PCBP2: variants seen among roughly 807,000 people sequenced by gnomAD.
The protein encoded by PCBP2 is poly(rC)-binding protein 2.
PCBP2 carries 4 observed loss-of-function variants against 50.1 expected under a neutral mutation model. That is an observed-to-expected ratio of 0.08 (90% CI 0.04 to 0.18). The LOEUF is 0.18. Ranked by LOEUF, PCBP2 falls within the 10% of genes least tolerant of loss-of-function variation. The probability of loss-of-function intolerance (pLI) is 1.00; values close to 1 mark genes in which losing one functional copy is unlikely to be tolerated. For missense variants in PCBP2, 161 were observed against 474.3 expected (o/e 0.34, Z 6.14); for synonymous variants, 179 against 168.0 (o/e 1.07, Z -0.51).
chr12:53,457,073 G>T (rs1419133817), intron 5 of PCBP2, among the ~76,000 whole-genome samples: 5 of 151,394 alleles, frequency 3.3e-5, no homozygotes. Context: ...TTTCTTTTGA[G>T]GCAGGGTTGT....
intron 1 of PCBP2, chr12:53,453,410 A>G (rs903014349): frequency 2.0e-5 from 3 of 152,144 alleles, no homozygotes; most frequent in African/African-American, 7.2e-5. Flanking sequence ...GAATTCTGGG[A>G]TTTTGCCAGC....
At chr12:53,456,056 G>C (rs894801674) in intron 5 of PCBP2, 55 bp downstream of exon 5, 16 of 1,091,698 alleles carry the variant, frequency 1.5e-5, no homozygotes, top group Non-Finnish European at 2.1e-5. Context: ...CAGAGAGCTT[G>C]TTGATTTTCT....
At chr12:53,464,282 C>T (rs928430042) in intron 8 of PCBP2, among the ~76,000 whole-genome samples, 1 of 151,934 alleles carries the variant, frequency 6.6e-6, no homozygotes, top group Non-Finnish European at 1.5e-5. Flanking sequence ...ATCACACCTC[C>T]CCCTTCATAC....
At chr12:53,474,661 T>G (rs1300709620) in intron 14 of PCBP2, among the ~76,000 whole-genome samples, 1 of 152,192 alleles carries the variant, frequency 6.6e-6, no homozygotes, top group Non-Finnish European at 1.5e-5. Flanking sequence ...AGTTTTTAAG[T>G]AGCTCTGTGG....
chr12:53,478,432 C>T (rs1565877013), intron 14 of PCBP2, among the ~76,000 whole-genome samples: 2 of 151,928 alleles, frequency 1.3e-5, no homozygotes, highest in African/African-American at 4.8e-5. Context: ...CGCTAGAACA[C>T]GGGAGGCAGG....
At chr12:53,452,720 G>A (rs1292327478) in intron 1 of PCBP2, 4 of 151,988 alleles carry the variant, frequency 2.6e-5, no homozygotes, top group Admixed American at 2.6e-4. Flanking sequence ...GGGCGGGTGA[G>A]CGCGGCTCCC....
intron 9 of PCBP2, among the ~76,000 whole-genome samples, chr12:53,465,521 CT>C (rs1276898773): frequency 6.6e-6 from 1 of 152,112 alleles, no homozygotes; most frequent in Non-Finnish European, 1.5e-5. Flanking sequence ...AGTTAGAGAT[CT>C]TCCACATCAC....
intron 7 of PCBP2, among the ~76,000 whole-genome samples, chr12:53,461,680 T>C (rs1299436250): frequency 6.6e-6 from 1 of 152,164 alleles, no homozygotes; most frequent in Non-Finnish European, 1.5e-5. Context: ...TGATATGGAG[T>C]TGGTTTCATT....
At chr12:53,464,672 TAAAC>T (rs1448401496) in intron 8 of PCBP2, 84 bp from the exon 9 acceptor site, 9 of 1,527,588 alleles carry the variant, frequency 5.9e-6, no homozygotes, top group South Asian at 3.9e-5. Flanking sequence ...AGGAAAAAAA[TAAAC>T]AACTTTTTTT....
At chr12:53,458,276 T>C (rs1272597689) in intron 5 of PCBP2, among the ~76,000 whole-genome samples, 6 of 150,052 alleles carry the variant, frequency 4.0e-5, no homozygotes, top group Non-Finnish European at 8.9e-5. Context: ...AGGGTTGCAT[T>C]GTTTTATATC....
intron 5 of PCBP2, among the ~76,000 whole-genome samples, chr12:53,457,684 G>A (rs1334594915): frequency 6.6e-6 from 1 of 152,042 alleles, no homozygotes; most frequent in Non-Finnish European, 1.5e-5. Flanking sequence ...AAGAAAGCTA[G>A]AGTACAAACT....
intron 10 of PCBP2, 128 bp from the exon 11 acceptor site, chr12:53,467,093 A>C: frequency 1.5e-6 from 1 of 666,350 alleles, no homozygotes; most frequent in South Asian, 1.8e-5. Flanking sequence ...CCCCATCCCT[A>C]CCCTCTGTTG....
At chr12:53,464,552 G>A (rs1429885193) in intron 8 of PCBP2, 1 of 577,722 alleles carries the variant, frequency 1.7e-6, no homozygotes, top group Non-Finnish European at 2.9e-6. Context: ...CATTCTTATT[G>A]AAAATAGCCC....
chr12:53,469,651 C>T lies in PCBP2; in HGVS notation c.882+819C>T, dbSNP rs578151180. 3.3e-5 allele frequency among the ~76,000 whole-genome samples: 5 copies of T among 151,870 alleles called. No homozygotes were observed. In the South Asian group the frequency reaches 1.0e-3, roughly 32 times the overall value. On this transcript the variant is annotated intron_variant, in intron 13 of 14. Transcript: ENST00000546463. ...TAAGGTAGGAGAATTGCTTGAAACC[C>T]GGGAGGCGGAGGTTGTGGTGAGCCG...
chr12:53,464,180 C>G (rs1165566393), intron 8 of PCBP2, among the ~76,000 whole-genome samples: 1 of 152,116 alleles, frequency 6.6e-6, no homozygotes, highest in African/African-American at 2.4e-5. Context: ...CTGGATTCTC[C>G]CACTCCCCCT....
chr12:53,467,655 A>G (rs1014882102), intron 11 of PCBP2, 150 bp from the exon 12 acceptor site: 2 of 710,900 alleles, frequency 2.8e-6, no homozygotes, highest in African/African-American at 3.5e-5. Context: ...GGTAGAGACC[A>G]TCCATTTGTG....
At chr12:53,464,565 T>C in intron 8 of PCBP2, 195 bp from the exon 9 acceptor site, 1 of 631,414 alleles carries the variant, frequency 1.6e-6, no homozygotes, top group Non-Finnish European at 2.6e-6. Context: ...AATAGCCCAA[T>C]TGTGCAGTGT....
At position 53,479,391 on chromosome 12, in the gene PCBP2, G is replaced by A. The variant is rs1298380465; in HGVS notation, c.1053-15G>A. 2 of 1,613,750 alleles carry A rather than the reference G, an allele frequency of 1.2e-6. No individual in the cohort carries two copies. The highest frequency in any genetic ancestry group is 3.3e-5 in the Admixed American group (2 of 60,028). On this transcript the variant is annotated splice_polypyrimidine_tract_variant and intron_variant, in intron 14 of 14. Transcript: ENST00000546463. ...CACTGGGGAAACTAACTGAGTTCTT[G>A]TTTCTGTGTTACAGGCTTTCCTCGG...
intron 8 of PCBP2, 34 bp from the exon 9 acceptor site, chr12:53,464,726 G>A (rs777450683): frequency 1.2e-6 from 2 of 1,606,682 alleles, no homozygotes; most frequent in Non-Finnish European, 8.5e-7. Context: ...CGGATTGACA[G>A]CCCTGGAGAC....
Sources: allele counts gnomAD v4.1 joint callset (sites outside exome capture counted in the v4.1 genomes callset), GRCh38; gene constraint gnomAD v4.1.1; transcripts MANE v1.5; gene names NCBI Gene and HGNC (gene_info 2026-07-23, HGNC 2026-07-21).